Variants in RAB11FIP3 observed in about 807,000 individuals in gnomAD.
RAB11FIP3 encodes the protein RAB11 family interacting protein 3, also known as rab11 family-interacting protein 3.
RAB11FIP3 carries 17 observed loss-of-function variants against 77.8 expected under a neutral mutation model. The observed-to-expected ratio is 0.22, with a 90% CI of 0.15 to 0.33. RAB11FIP3 has a LOEUF of 0.33. Ranked by LOEUF, RAB11FIP3 falls within the 10% of genes least tolerant of loss-of-function variation. The pLI is 1.00. For synonymous variants in RAB11FIP3, 437 were observed against 448.2 expected (o/e 0.98, Z 0.31); for missense variants, 1,005 against 1,011.2 (o/e 0.99, Z 0.08).
chr16:492,810 C>T (rs1291833679), intron 5 of RAB11FIP3, among the ~76,000 whole-genome samples: 1 of 152,104 alleles, frequency 6.6e-6, no homozygotes, highest in Non-Finnish European at 1.5e-5. Context: ...TGATTTTTTC[C>T]CACATTGAGA....
At chr16:467,738 G>C (rs2055731608) in intron 2 of RAB11FIP3, among the ~76,000 whole-genome samples, 1 of 62,682 alleles carries the variant, frequency 1.6e-5, no homozygotes. Context: ...GGGAGGAGGT[G>C]CAGGGGCCTC....
At position 513,337 on chromosome 16, in the gene RAB11FIP3, C is replaced by T. The variant is rs549620945; in HGVS notation, c.1640+2537C>T. Among the ~76,000 whole-genome samples the T allele has an allele frequency of 2.4e-3, 367 of 152,300 alleles. 6 individuals carry two copies. Among genetic ancestry groups the T allele is most frequent in the African/African-American group, 8.3e-3 (345 of 41,562 alleles). The stretch of plus-strand genomic sequence containing the variant: ...CCGGGCTCAAGCAATCCTCCTGCCT[C>T]AGCCCCTGAGTTGCTGGGGCTCCAA... On this transcript the variant is annotated intron_variant, in intron 9 of 13. Coordinates refer to ENST00000262305, the MANE Select transcript of RAB11FIP3 (RefSeq NM_014700.4).
intron 1 of RAB11FIP3, among the ~76,000 whole-genome samples, chr16:453,137 C>T (rs921065958): frequency 4.7e-5 from 7 of 148,204 alleles, no homozygotes; most frequent in East Asian, 2.0e-4. Context: ...GTGCAGTGAG[C>T]GATCTTGGCT....
intron 6 of RAB11FIP3, among the ~76,000 whole-genome samples, chr16:501,134 A>AG (rs2031487874): frequency 1.3e-5 from 2 of 152,272 alleles, no homozygotes; most frequent in South Asian, 4.1e-4. Context: ...GTTCAAGCCC[A>AG]GTCCGTACTG....
chr16:452,650 G>T (rs2055427840), intron 1 of RAB11FIP3, among the ~76,000 whole-genome samples: 1 of 118,518 alleles, frequency 8.4e-6, no homozygotes, highest in South Asian at 3.2e-4. Context: ...TAGCCAGGAT[G>T]GTCTCGATCT....
At chr16:466,150 C>T (rs969406470) in intron 2 of RAB11FIP3, among the ~76,000 whole-genome samples, 7 of 152,274 alleles carry the variant, frequency 4.6e-5, no homozygotes, top group Admixed American at 1.3e-4. Flanking sequence ...GCTGGCAGAG[C>T]GTGTTCCTGG....
chr16:500,425 G>C (rs990390830), intron 6 of RAB11FIP3, among the ~76,000 whole-genome samples: 1 of 152,112 alleles, frequency 6.6e-6, no homozygotes, highest in Non-Finnish European at 1.5e-5. Flanking sequence ...GTTCACGCCT[G>C]TACTCCCAGC....
intron 4 of RAB11FIP3, among the ~76,000 whole-genome samples, chr16:488,410 A>AT (rs1369113391): frequency 2.1e-4 from 27 of 128,554 alleles, no homozygotes; most frequent in African/African-American, 6.1e-4. Context: ...AGATTTATTT[A>AT]TTTATTTTTT....
rs1298410134 is a variant in RAB11FIP3, at chr16:496,839, C to G, written c.1281C>G (p.Leu427=). The change falls in exon 6 of 14, where the codon CTC becomes CTG. Residue 427 remains leucine, a synonymous_variant. Coordinates refer to ENST00000262305, the MANE Select transcript of RAB11FIP3 (RefSeq NM_014700.4). ...TTCTGCACAGTCCGACAAAGCGGCT[C>G]TCCAGCAAGAAGGTGGCAAGGTAGG... ...AFLTPSPTKR[L]SSKKVARYLH... is the part of the protein sequence containing the mutation. 1.3e-6 allele frequency: 2 copies of G among 1,597,512 alleles called. No individual in the cohort carries two copies. Among genetic ancestry groups the G allele is most frequent in the East Asian group, 4.5e-5 (2 of 44,782 alleles).
intron 13 of RAB11FIP3, 32 bp from the exon 14 acceptor site, chr16:520,694 G>C: frequency 1.2e-6 from 2 of 1,612,374 alleles, no homozygotes; most frequent in Non-Finnish European, 1.7e-6. Flanking sequence ...TGGCCCATGC[G>C]CCTCAGCTCT....
In RAB11FIP3 at chr16:480,348, A is replaced by G. The variant is rs1337797992; in HGVS notation, c.904-2177A>G. 2.0e-5 allele frequency among the ~76,000 whole-genome samples: 3 copies of G among 147,246 alleles called. No individual in the cohort carries two copies. In the East Asian group the frequency reaches 6.1e-4, roughly 30 times the overall value. ...TTCATTTTATTTTCATTTTTGAAAT[A>G]GAGGCTCACTCTGTCGCCCAAGCTG... On this transcript the variant is annotated intron_variant, in intron 3 of 13. Coordinates refer to ENST00000262305, the MANE Select transcript of RAB11FIP3 (RefSeq NM_014700.4).
At chr16:486,419 A>G (rs2056154639) in intron 4 of RAB11FIP3, among the ~76,000 whole-genome samples, 1 of 152,152 alleles carries the variant, frequency 6.6e-6, no homozygotes, top group South Asian at 2.1e-4. Flanking sequence ...TTGAACCCAG[A>G]GAGGCAGAGT....
In RAB11FIP3 at chr16:518,976, C is replaced by A; in HGVS notation, c.1674C>A (p.Leu558=). The change falls in exon 10 of 14, where the codon CTC becomes CTA. Residue 558 remains leucine, a synonymous_variant. Coordinates refer to ENST00000262305, the MANE Select transcript of RAB11FIP3 (RefSeq NM_014700.4). ...LQQLDEENSE[L]RSCTPCLKAN... ...AACTGGACGAGGAGAACAGTGAACTCCGGTCCTGCACGCCCTGTCTGAAGG... is the reference window on the plus strand; with the variant it reads ...AACTGGACGAGGAGAACAGTGAACTACGGTCCTGCACGCCCTGTCTGAAGG... 5 of 1,613,718 alleles carry A rather than the reference C, an allele frequency of 3.1e-6. No individual in the cohort carries two copies. Among genetic ancestry groups the A allele is most frequent in the Non-Finnish European group, 2.5e-6 (3 of 1,180,012 alleles).
chr16:448,736 A>G (rs927191961), intron 1 of RAB11FIP3, among the ~76,000 whole-genome samples: 46 of 88,280 alleles, frequency 5.2e-4, no homozygotes, highest in Non-Finnish European at 7.5e-4. Context: ...ACTCCGTCTC[A>G]AGAAAAAAAA....
intron 5 of RAB11FIP3, among the ~76,000 whole-genome samples, chr16:494,494 C>T (rs1021986809): frequency 3.3e-5 from 5 of 151,516 alleles, no homozygotes; most frequent in East Asian, 2.0e-4. Context: ...TGGTGGCGGG[C>T]GCCTGTAGTC....
rs1028146677 is a variant in RAB11FIP3, at chr16:425,866, G to T, written c.-141G>T. The stretch of plus-strand genomic sequence containing the variant: ...GCGAAGATGGGCGAGGACAGAGCAG[G>T]GCCCGAGCGCCAGCCCCAGCAGCCC... On this transcript the variant is annotated 5_prime_UTR_variant, in exon 1 of 14. Coordinates refer to ENST00000262305, the MANE Select transcript of RAB11FIP3 (RefSeq NM_014700.4). The T allele has an allele frequency of 4.0e-6, 1 of 247,836 alleles. No homozygotes were observed. Among genetic ancestry groups the T allele is most frequent in the African/African-American group, 2.3e-5 (1 of 43,106 alleles). The allele number at this position is 247,836 out of a possible 1,614,324, so 15.4% of individuals were successfully genotyped here.
rs115809710 is a variant in RAB11FIP3 at position 489,813 on chromosome 16, T to A, written c.1265+813T>A. ...AGCTCGTCTGCCCATAGGGTCCCCC[T>A]CCTTTTGTTTCCCATGTGCCCTCCT... On this transcript the variant is annotated intron_variant, in intron 5 of 13. Transcript: ENST00000262305. 5.9e-3 allele frequency among the ~76,000 whole-genome samples: 891 copies of A among 152,084 alleles called. 10 individuals carry two copies. The highest frequency in any genetic ancestry group is 0.02 in the African/African-American group (848 of 41,474).
At chr16:477,520 C>T in intron 3 of RAB11FIP3, 1 of 550,672 alleles carries the variant, frequency 1.8e-6, no homozygotes, top group African/African-American at 2.0e-5. Context: ...CTCTGACAGA[C>T]ATCCTGGGCC....
chr16:471,298 C>T lies in RAB11FIP3; in HGVS notation c.812C>T (p.Pro271Leu), dbSNP rs143328581. 13 of 1,613,462 alleles carry T rather than the reference C, an allele frequency of 8.1e-6. No homozygotes were observed. The African/African-American group carries it at 1.2e-4, about 15-fold the overall frequency. Residue 271 changes from proline (P) to leucine (L), a missense_variant, in exon 3 of 14, where the codon CCT becomes CTT. By Grantham distance (98) the Pro-to-Leu change is moderately conservative. Transcript: ENST00000262305. This position sits in a 1 kb window ranked among gnomAD's most constrained non-coding sequence, Gnocchi z 4.4. The stretch of plus-strand genomic sequence containing the variant: ...GCACGAGGTCTTCTCCCTGCAGATC[C>T]TGATGGCCAGTGCTACGGTGGTGTC... ...QGITAIRNGD[P>L]DGQCYGGVAS...
Sources: allele counts gnomAD v4.1 joint callset (sites outside exome capture counted in the v4.1 genomes callset), GRCh38; gene constraint gnomAD v4.1.1; non-coding constraint Gnocchi (gnomAD v3.1); transcripts MANE v1.5; gene names NCBI Gene and HGNC (gene_info 2026-07-23, HGNC 2026-07-21).